Variants in THSD7B observed in about 807,000 individuals in gnomAD.
The protein encoded by THSD7B is thrombospondin type 1 domain containing 7B, also known as thrombospondin type-1 domain-containing protein 7B.
A neutral mutation model predicts 213.6 loss-of-function variants in THSD7B; 138 were observed. That is an observed-to-expected ratio of 0.65 (90% confidence interval 0.56 to 0.74). The LOEUF (loss-of-function observed/expected upper bound fraction) is 0.74, where lower values mean the gene tolerates loss of function less well. Among genes scored for constraint, THSD7B ranks in the 30% least tolerant of loss-of-function variants. The probability of loss-of-function intolerance (pLI) is 0.00; values close to 1 mark genes in which losing one functional copy is unlikely to be tolerated. For synonymous variants in THSD7B, 742 were observed against 687.0 expected (o/e 1.08, Z -1.25); for missense variants, 1,931 against 1,991.5 (o/e 0.97, Z 0.58).
intron 2 of THSD7B, among the ~76,000 whole-genome samples, chr2:136,993,931 G>A (rs1685833481): frequency 6.6e-6 from 1 of 152,164 alleles, no homozygotes; most frequent in Admixed American, 6.5e-5. Context: ...ATTTATATTT[G>A]TGTATATATG....
chr2:136,931,173 T>A (rs952415060), intron 2 of THSD7B, among the ~76,000 whole-genome samples: 12 of 151,926 alleles, frequency 7.9e-5, no homozygotes, highest in Non-Finnish European at 1.3e-4. Flanking sequence ...AAGTAGAAGG[T>A]TGTAAAGGTC....
intron 12 of THSD7B, among the ~76,000 whole-genome samples, chr2:137,329,799 T>G (rs1273621263): frequency 6.6e-6 from 1 of 152,202 alleles, no homozygotes; most frequent in Non-Finnish European, 1.5e-5. Context: ...TGCAGAAATT[T>G]GCATAAGTAA....
chr2:137,227,087 C>A (rs886937560), intron 7 of THSD7B, among the ~76,000 whole-genome samples: 34 of 152,134 alleles, frequency 2.2e-4, no homozygotes, highest in African/African-American at 8.0e-4. Context: ...GTAACAGAAA[C>A]TGCTCAATGC....
At chr2:136,825,682 G>T (rs1682634181) in intron 1 of THSD7B, among the ~76,000 whole-genome samples, 1 of 148,520 alleles carries the variant, frequency 6.7e-6, no homozygotes, top group African/African-American at 2.5e-5. Context: ...CTCCCGAGTA[G>T]CTGGGACTAC....
intron 5 of THSD7B, among the ~76,000 whole-genome samples, chr2:137,138,468 C>T (rs985556317): frequency 2.0e-5 from 3 of 152,046 alleles, no homozygotes; most frequent in Admixed American, 6.6e-5. Flanking sequence ...TTTAAATTTG[C>T]ATTTCTTTGG....
intron 12 of THSD7B, among the ~76,000 whole-genome samples, chr2:137,379,305 G>C (rs1305047194): frequency 6.6e-6 from 1 of 152,058 alleles, no homozygotes; most frequent in Non-Finnish European, 1.5e-5. Flanking sequence ...TTTATAATTG[G>C]GCTCCTGCAG....
At chr2:137,211,344 A>ACACACACACACACACACACACAGAGG (rs796079908) in intron 7 of THSD7B, among the ~76,000 whole-genome samples, 1,978 of 119,448 alleles carry the variant, frequency 0.017, 67 homozygotes, top group African/African-American at 0.052. Context: ...ACACACACAC[A>ACACACACACACACACACACACAGAGG]CACACACACA....
intron 5 of THSD7B, among the ~76,000 whole-genome samples, chr2:137,116,077 A>C (rs1688443536): frequency 6.6e-6 from 1 of 152,184 alleles, no homozygotes; most frequent in Non-Finnish European, 1.5e-5. Context: ...TTGGTTAGGA[A>C]GGCAAGATGC....
intron 20 of THSD7B, among the ~76,000 whole-genome samples, chr2:137,624,385 A>T (rs966820678): frequency 1.3e-5 from 2 of 152,174 alleles, no homozygotes; most frequent in African/African-American, 4.8e-5. Context: ...CTAGAAGAAA[A>T]CCTAGGCAAT....
chr2:137,616,208 C>T lies in THSD7B; in HGVS notation c.3457C>T (p.Arg1153Cys). 6 of 1,613,746 alleles carry T rather than the reference C, an allele frequency of 3.7e-6. No individual in the cohort carries two copies. The highest frequency in any genetic ancestry group is 5.1e-6 in the Non-Finnish European group (6 of 1,179,736). The change falls in exon 18 of 28, where the codon CGC becomes TGC. Residue 1153 changes from arginine (R) to cysteine (C), a missense_variant. Transcript: ENST00000409968. Reference protein sequence around the residue: ...CDPHTMQRRTRHLLRPSLNSR... With the variant: ...CDPHTMQRRTCHLLRPSLNSR... ...TCCCCACACAATGCAGAGAAGAACT[C>T]GCCACCTGCTAAGACCATCACTGAA...
At chr2:136,976,665 G>A (rs1421019469) in intron 2 of THSD7B, among the ~76,000 whole-genome samples, 6 of 151,042 alleles carry the variant, frequency 4.0e-5, no homozygotes, top group Admixed American at 6.6e-5. Flanking sequence ...ATGGAGTCTC[G>A]CTCTGTCGCT....
chr2:137,633,855 C>T (rs960223440), intron 20 of THSD7B, among the ~76,000 whole-genome samples: 1 of 152,058 alleles, frequency 6.6e-6, no homozygotes, highest in African/African-American at 2.4e-5. Context: ...TGCCTTCCTC[C>T]ATAATGAGGA....
At chr2:136,882,566 A>C (rs904927665) in intron 2 of THSD7B, among the ~76,000 whole-genome samples, 2 of 152,184 alleles carry the variant, frequency 1.3e-5, no homozygotes, top group African/African-American at 4.8e-5. Context: ...CCATAGTTAC[A>C]TCTACTTCTC....
chr2:136,906,347 T>A (rs1684160594), intron 2 of THSD7B: 1 of 152,176 alleles, frequency 6.6e-6, no homozygotes, highest in African/African-American at 2.4e-5. Flanking sequence ...TATATACATG[T>A]GTTTGTATAT....
intron 20 of THSD7B, among the ~76,000 whole-genome samples, chr2:137,636,518 T>G (rs1682835138): frequency 6.6e-6 from 1 of 152,238 alleles, no homozygotes; most frequent in Non-Finnish European, 1.5e-5. Context: ...TGCTAGTGGA[T>G]ATTAGATAAA....
chr2:136,927,299 G>A (rs1229786554), intron 2 of THSD7B, among the ~76,000 whole-genome samples: 1 of 123,614 alleles, frequency 8.1e-6, no homozygotes, highest in Non-Finnish European at 1.8e-5. Flanking sequence ...TACCTGCTGA[G>A]TGAGCTGGAC....
chr2:137,561,687 T>C (rs1246610046), intron 15 of THSD7B, among the ~76,000 whole-genome samples: 2 of 152,156 alleles, frequency 1.3e-5, no homozygotes, highest in African/African-American at 4.8e-5. Context: ...TTCATTTTTA[T>C]AGATTATTTT....
Position 137,405,606 on chromosome 2 carries a change from T to C in THSD7B, c.2501-7T>C, listed in dbSNP as rs760949627. ...ATAATAACAAAAGAATTCATGCTTT[T>C]TTTCAGCTGTCTCATGCATCTCTGA... On this transcript the variant is annotated splice_region_variant and splice_polypyrimidine_tract_variant and intron_variant, in intron 12 of 27. Transcript: ENST00000409968. The C allele has an allele frequency of 5.7e-6, 9 of 1,581,096 alleles. No homozygotes were observed. The highest frequency in any genetic ancestry group is 3.4e-5 in the South Asian group (3 of 87,096).
intron 2 of THSD7B, among the ~76,000 whole-genome samples, chr2:137,012,132 T>G (rs1340833220): frequency 6.6e-6 from 1 of 152,218 alleles, no homozygotes; most frequent in African/African-American, 2.4e-5. Flanking sequence ...TCAATCATTT[T>G]GGAAAATTAT....
Sources: allele counts gnomAD v4.1 joint callset (sites outside exome capture counted in the v4.1 genomes callset), GRCh38; gene constraint gnomAD v4.1.1; transcripts MANE v1.5; gene names NCBI Gene and HGNC (gene_info 2026-07-23, HGNC 2026-07-21).